The following LMBRD1 variants were observed in gnomAD, a reference collection of about 807,000 sequenced individuals.
The protein encoded by LMBRD1 is LMBR1 domain containing 1, also known as lysosomal cobalamin transport escort protein LMBD1.
Under a neutral mutation model 74.8 loss-of-function variants are expected in LMBRD1, and 64 were observed. The observed-to-expected ratio is 0.86, with a 90% CI of 0.70 to 1.05. The LOEUF is 1.05. Ranked by LOEUF, LMBRD1 falls within the 50% of genes least tolerant of loss-of-function variation. The pLI, the probability that LMBRD1 is intolerant of heterozygous loss-of-function variation, is 0.00. For missense variants in LMBRD1, 652 were observed against 645.9 expected (o/e 1.01, Z -0.10); for synonymous variants, 204 against 216.3 (o/e 0.94, Z 0.50).
rs561721393 is a variant in LMBRD1, at chr6:69,689,312, C to T, written c.1417+8251G>A. ...CCCATATATTATTCAGCATAACTAGCTTATATACTGTCAACTCTCCAAACA... is the reference window on the plus strand; with the variant it reads ...CCCATATATTATTCAGCATAACTAGTTTATATACTGTCAACTCTCCAAACA... On this transcript the variant is annotated intron_variant, in intron 14 of 15. Transcript: ENST00000649934. 1.6e-3 allele frequency among the ~76,000 whole-genome samples: 243 copies of T among 152,152 alleles called. 1 individual carries two copies. The highest frequency in any genetic ancestry group is 2.8e-3 in the Non-Finnish European group (190 of 67,938).
intron 14 of LMBRD1, among the ~76,000 whole-genome samples, chr6:69,693,188 T>A (rs755339668): frequency 6.6e-6 from 1 of 152,114 alleles, no homozygotes; most frequent in Admixed American, 6.5e-5. Context: ...TTAAGTAATA[T>A]TGTCGTTTTA....
chr6:69,764,465 G>A (rs749683921), intron 3 of LMBRD1, among the ~76,000 whole-genome samples: 4 of 152,046 alleles, frequency 2.6e-5, no homozygotes, highest in Non-Finnish European at 5.9e-5. Flanking sequence ...ATACATGTTC[G>A]TTAAGACTCC....
Position 69,796,978 on chromosome 6 carries a change from A to G in LMBRD1, c.-97T>C. On this transcript the variant is annotated 5_prime_UTR_variant, in exon 1 of 16. Coordinates refer to ENST00000649934, the MANE Select transcript of LMBRD1 (RefSeq NM_018368.4). ...GAGATATACTGCACCCGCGCACCCT[A>G]AAGGTTAAAGGGGCGGAGGGGGAGG... is the stretch of plus-strand genomic sequence containing the variant. The G allele has an allele frequency of 1.9e-6, 2 of 1,028,498 alleles. No homozygotes were observed. The highest frequency in any genetic ancestry group is 5.1e-5 in the East Asian group (2 of 38,884). The allele number at this position is 1,028,498 out of a possible 1,614,324, so 63.7% of individuals were successfully genotyped here. A position where few individuals can be genotyped will look rare whatever the true frequency, so the allele number is the denominator to read the frequency against.
chr6:69,745,319 C>T (rs1265507677), intron 5 of LMBRD1, among the ~76,000 whole-genome samples: 8 of 146,644 alleles, frequency 5.5e-5, no homozygotes, highest in East Asian at 2.0e-4. Context: ...ACTGCAGTGG[C>T]GCAATCTCGG....
At chr6:69,795,894 T>A (rs915426755) in intron 1 of LMBRD1, among the ~76,000 whole-genome samples, 2 of 152,236 alleles carry the variant, frequency 1.3e-5, no homozygotes, top group Non-Finnish European at 2.9e-5. Flanking sequence ...CAAGCCTGAT[T>A]TCCAGAACTG....
chr6:69,701,927 T>C lies in LMBRD1; in HGVS notation c.942A>G (p.Leu314=), dbSNP rs1181148763. The C allele has an allele frequency of 6.2e-7, 1 of 1,601,602 alleles. No homozygotes were observed. Among genetic ancestry groups the C allele is most frequent in the Non-Finnish European group, 8.5e-7 (1 of 1,169,616 alleles). Residue 314 remains leucine, a synonymous_variant, in exon 10 of 16, where the codon TTA becomes TTG. Transcript: ENST00000649934. Reference sequence around the variant, plus strand: ...GAGAAATTACAAACAGCAATGCAACTAAGATGAAAAATATTCCCCAGACGA... The same window carrying C: ...GAGAAATTACAAACAGCAATGCAACCAAGATGAAAAATATTCCCCAGACGA... ...LKIVWGIFFI[L]VALLFVISLF...
intron 8 of LMBRD1, among the ~76,000 whole-genome samples, chr6:69,715,260 C>T (rs1378916085): frequency 1.3e-5 from 2 of 151,678 alleles, no homozygotes; most frequent in Admixed American, 1.3e-4. Context: ...AAGGATACTA[C>T]AAATGAGGTA....
intron 3 of LMBRD1, among the ~76,000 whole-genome samples, chr6:69,758,469 T>A (rs1765312180): frequency 6.6e-6 from 1 of 152,156 alleles, no homozygotes; most frequent in Admixed American, 6.6e-5. Context: ...CCCTTCCTAC[T>A]GCAGCCTACT....
chr6:69,712,553 A>G (rs1328774835), intron 9 of LMBRD1, among the ~76,000 whole-genome samples: 1 of 152,118 alleles, frequency 6.6e-6, no homozygotes, highest in Non-Finnish European at 1.5e-5. Flanking sequence ...TCAGCCTTTT[A>G]AAAAATAAGA....
At chr6:69,689,204 G>A (rs1765828540) in intron 14 of LMBRD1, among the ~76,000 whole-genome samples, 1 of 152,054 alleles carries the variant, frequency 6.6e-6, no homozygotes, top group South Asian at 2.1e-4. Flanking sequence ...AGCTTGGTCA[G>A]ACATGCATGT....
At chr6:69,755,260 A>G (rs906670092) in intron 3 of LMBRD1, among the ~76,000 whole-genome samples, 1 of 152,256 alleles carries the variant, frequency 6.6e-6, no homozygotes, top group Non-Finnish European at 1.5e-5. Flanking sequence ...ATAAAAAAGA[A>G]TAAGTTCATG....
intron 3 of LMBRD1, among the ~76,000 whole-genome samples, chr6:69,773,067 G>C (rs901997311): frequency 3.3e-5 from 5 of 152,174 alleles, no homozygotes; most frequent in African/African-American, 1.2e-4. Flanking sequence ...TCTCAAGTTA[G>C]ATTCTAGGAG....
chr6:69,709,911 T>C (rs776433250), intron 9 of LMBRD1, among the ~76,000 whole-genome samples: 1 of 152,198 alleles, frequency 6.6e-6, no homozygotes, highest in Non-Finnish European at 1.5e-5. Flanking sequence ...ATAGATATCA[T>C]GTTCATGGAT....
chr6:69,704,907 G>GTTGTTT (rs367904716), intron 9 of LMBRD1, among the ~76,000 whole-genome samples: 2 of 137,310 alleles, frequency 1.5e-5, no homozygotes, highest in Admixed American at 7.1e-5. Flanking sequence ...TTGGACATTT[G>GTTGTTT]TTTTTTTTTT....
intron 3 of LMBRD1, among the ~76,000 whole-genome samples, chr6:69,779,325 C>A (rs1246358706): frequency 6.6e-6 from 1 of 152,048 alleles, no homozygotes; most frequent in Non-Finnish European, 1.5e-5. Context: ...AAATGACATC[C>A]TTCTCCTAAC....
At chr6:69,712,298 T>C (rs1454823599) in intron 9 of LMBRD1, among the ~76,000 whole-genome samples, 2 of 152,188 alleles carry the variant, frequency 1.3e-5, no homozygotes, top group African/African-American at 2.4e-5. Flanking sequence ...TTAAGTACCA[T>C]AGTCCCAAGA....
intron 12 of LMBRD1, 138 bp from the exon 13 acceptor site, chr6:69,699,330 T>C (rs1766077703): frequency 1.4e-6 from 1 of 728,622 alleles, no homozygotes; most frequent in African/African-American, 1.8e-5. Flanking sequence ...CTAAAAGTTC[T>C]TAATCATCCC....
chr6:69,749,822 T>C (rs893544743), intron 4 of LMBRD1, among the ~76,000 whole-genome samples: 2 of 149,270 alleles, frequency 1.3e-5, no homozygotes, highest in African/African-American at 4.9e-5. Flanking sequence ...TATACATGAG[T>C]ATATATTAAA....
At chr6:69,706,861 C>T (rs1423951456) in intron 9 of LMBRD1, among the ~76,000 whole-genome samples, 1 of 152,128 alleles carries the variant, frequency 6.6e-6, no homozygotes, top group Non-Finnish European at 1.5e-5. Flanking sequence ...GCCAATGACA[C>T]ACCACCACAA....
Sources: gnomAD v4.1 joint callset for allele counts (sites outside exome capture counted in the v4.1 genomes callset) on GRCh38, gnomAD v4.1.1 for gene constraint, MANE v1.5 for transcripts, NCBI Gene and HGNC (gene_info 2026-07-23, HGNC 2026-07-21) for gene names.